SMTN: variants seen among roughly 807,000 people sequenced by gnomAD.
SMTN encodes the protein smoothelin.
Under a neutral mutation model 102.0 loss-of-function variants are expected in SMTN, and 58 were observed. The ratio of observed to expected loss-of-function variants is 0.57; its 90% CI spans 0.46 to 0.71. The LOEUF is 0.71. Among genes scored for constraint, SMTN ranks in the 30% least tolerant of loss-of-function variants. The probability of loss-of-function intolerance (pLI) is 0.00; values close to 1 mark genes in which losing one functional copy is unlikely to be tolerated. For synonymous variants in SMTN, 478 were observed against 497.9 expected (o/e 0.96, Z 0.53); for missense variants, 1,185 against 1,241.7 (o/e 0.95, Z 0.69).
intron 2 of SMTN, chr22:31,085,222 G>A (rs1026226171): frequency 1.9e-5 from 29 of 1,534,312 alleles, no homozygotes; most frequent in Non-Finnish European, 2.4e-5. Context: ...CTTTAGATCC[G>A]GACACTGAAG....
At chr22:31,097,532 C>T (rs1435714749) in intron 16 of SMTN, among the ~76,000 whole-genome samples, 194 bp downstream of exon 16, 1 of 151,850 alleles carries the variant, frequency 6.6e-6, no homozygotes, top group African/African-American at 2.4e-5. Context: ...GGTAAAACCT[C>T]ATCTCTACTA....
chr22:31,097,037 CGAGTTTCGTGAGGCGCTCGGA>C lies in SMTN; in HGVS notation c.2071_2089+2del. ...ACGGCCCGCACCACCACAGTGGAGT[CGAGTTTCGTGAGGCGCTCGGA>C]GAGTAAGGCCACCTGGTGTCGCCCT... is the stretch of plus-strand genomic sequence containing the variant. On this transcript the variant is annotated inframe_deletion and splice_region_variant, in exon 15 of 21. Transcript: ENST00000333137. The C allele has an allele frequency of 6.2e-7, 1 of 1,614,176 alleles. No individual in the cohort carries two copies. The highest frequency in any genetic ancestry group is 8.5e-7 in the Non-Finnish European group (1 of 1,180,038).
intron 1 of SMTN, chr22:31,064,953 T>C (rs2041806682): frequency 6.6e-6 from 1 of 152,220 alleles, no homozygotes; most frequent in African/African-American, 2.4e-5. Context: ...TGCATTTAGT[T>C]GTAATGTCTT....
chr22:31,092,325 C>G (rs770860480), intron 11 of SMTN: 1 of 415,942 alleles, frequency 2.4e-6, no homozygotes, highest in Non-Finnish European at 5.1e-6. Context: ...TTAGCATCTG[C>G]GTCAACCTCC....
At position 31,085,034 on chromosome 22, in the gene SMTN, G is replaced by A. The variant is rs1054188059; in HGVS notation, c.51+1725G>A. 6 of 1,509,718 alleles carry A rather than the reference G, an allele frequency of 4.0e-6. No homozygotes were observed. In the African/African-American group the frequency reaches 5.6e-5, roughly 14 times the overall value. 93.5% of individuals were successfully genotyped at this position (1,509,718 alleles called of 1,614,324 possible). A position where few individuals can be genotyped will look rare whatever the true frequency, so the allele number is the denominator to read the frequency against. ...TTTGGGGACGCGGGCAGTCGCTTCC[G>A]GCCCCGGCTCCCGCACATTCTTGAG... On this transcript the variant is annotated intron_variant, in intron 2 of 20. Transcript: ENST00000333137.
chr22:31,088,108 G>C lies in SMTN; in HGVS notation c.195G>C (p.Trp65Cys), dbSNP rs753438661. The C allele has an allele frequency of 2.2e-5, 35 of 1,598,820 alleles. No homozygotes were observed. Among genetic ancestry groups the C allele is most frequent in the Non-Finnish European group, 3.0e-5 (35 of 1,169,696 alleles). The change falls in exon 3 of 21, where the codon TGG (tryptophan) becomes TGC (cysteine). Residue 65 changes from tryptophan to cysteine, a missense_variant. By Grantham distance (215) the Trp-to-Cys change is radical (BLOSUM62 -2). Transcript: ENST00000333137. ...RAERQDNKEN[W>C]LHSQQREAEQ... ...AGCGGCAGGACAACAAGGAGAACTGGCTGCAGTGAGTAGCGGGGGGTGGAA... is the reference window on the plus strand; with the variant it reads ...AGCGGCAGGACAACAAGGAGAACTGCCTGCAGTGAGTAGCGGGGGGTGGAA...
In SMTN at chr22:31,096,743, C is replaced by G. The variant is rs776398221; in HGVS notation, c.1872C>G (p.Asp624Glu). The G allele has an allele frequency of 2.7e-5, 42 of 1,549,842 alleles. No individual in the cohort carries two copies. In the Middle Eastern group the frequency reaches 6.9e-4, roughly 25 times the overall value. Residue 624 changes from aspartate (D) to glutamate (E), a missense_variant, in exon 14 of 21, where the codon GAC becomes GAG. Coordinates refer to ENST00000333137, the MANE Select transcript of SMTN (RefSeq NM_134269.3). ...GCATCCCCTGCCCAGACCAGCGGGA[C>G]AAGGAGCGGGAACGGCGGCTGCAGG... ...ELRQRKRDQR[D>E]KERERRLQEA...
intron 2 of SMTN, among the ~76,000 whole-genome samples, chr22:31,083,748 C>T (rs1401130912): frequency 1.3e-5 from 2 of 152,202 alleles, no homozygotes; most frequent in Admixed American, 1.3e-4. Flanking sequence ...AGAATAATCA[C>T]AGCAGCTCTG....
intron 20 of SMTN, 145 bp downstream of exon 20, chr22:31,101,194 G>A: frequency 1.3e-6 from 1 of 748,526 alleles, no homozygotes; most frequent in South Asian, 1.9e-5. Context: ...TCTTCTGGCA[G>A]TTCAGGGCCC....
intron 2 of SMTN, among the ~76,000 whole-genome samples, chr22:31,084,251 C>G (rs1370093044): frequency 6.6e-6 from 1 of 152,242 alleles, no homozygotes; most frequent in African/African-American, 2.4e-5. Flanking sequence ...AGCTCCATCT[C>G]CTCAGTCCCT....
At chr22:31,069,223 G>A (rs1364374624) in intron 1 of SMTN, among the ~76,000 whole-genome samples, 3 of 152,054 alleles carry the variant, frequency 2.0e-5, no homozygotes, top group African/African-American at 7.2e-5. Flanking sequence ...ATTGGTCCTT[G>A]GTGGTAACTA....
At chr22:31,098,878 G>C (rs1387901474) in intron 17 of SMTN, 38 bp downstream of exon 17, 1 of 1,538,538 alleles carries the variant, frequency 6.5e-7, no homozygotes, top group Admixed American at 1.8e-5. Flanking sequence ...GGGGGGCGGG[G>C]CGTGATAGGC....
In SMTN at chr22:31,095,371, A is replaced by G; in HGVS notation, c.1701A>G (p.Arg567=). The G allele has an allele frequency of 2.5e-6, 4 of 1,614,258 alleles. No homozygotes were observed. Among genetic ancestry groups the G allele is most frequent in the Non-Finnish European group, 3.4e-6 (4 of 1,180,044 alleles). Residue 567 remains arginine (R), a synonymous_variant, in exon 12 of 21, where the codon CGA becomes CGG. Coordinates refer to ENST00000333137, the MANE Select transcript of SMTN (RefSeq NM_134269.3). This position sits in a 1 kb window ranked among gnomAD's most constrained non-coding sequence, Gnocchi z 4.1. ...CGGCCAATGGGGCTGAGCAGACCCG[A>G]GTGAACAAAGCACCAGAAGGGCGGA... ...VEAANGAEQT[R]VNKAPEGRSP...
chr22:31,089,004 G>A, intron 6 of SMTN, 35 bp downstream of exon 6: 1 of 1,544,258 alleles, frequency 6.5e-7, no homozygotes, highest in South Asian at 1.1e-5. Context: ...AGTGTCCTGT[G>A]CCCATGGATA....
At chr22:31,065,228 G>T (rs1406069746) in intron 1 of SMTN, 3 of 152,214 alleles carry the variant, frequency 2.0e-5, no homozygotes, top group Non-Finnish European at 2.9e-5. Context: ...TGTGGTTAAA[G>T]AGGTTATCTG....
intron 6 of SMTN, 29 bp from the exon 7 acceptor site, chr22:31,089,670 C>G: frequency 3.2e-6 from 5 of 1,575,318 alleles, no homozygotes; most frequent in Non-Finnish European, 4.3e-6. Context: ...CCTAGGGAGC[C>G]TTGGTTGCAT....
intron 2 of SMTN, chr22:31,085,182 C>A: frequency 1.3e-6 from 2 of 1,535,536 alleles, no homozygotes; most frequent in Non-Finnish European, 1.7e-6. Flanking sequence ...CGCCACTCAG[C>A]TGGGTGTCCT....
chr22:31,094,948 A>G (rs2043454113), intron 11 of SMTN, among the ~76,000 whole-genome samples: 1 of 152,092 alleles, frequency 6.6e-6, no homozygotes, highest in Non-Finnish European at 1.5e-5. Context: ...CGGCCTCCCA[A>G]ACTGTTGACA....
intron 17 of SMTN, 27 bp from the exon 18 acceptor site, chr22:31,099,035 G>T: frequency 6.2e-7 from 1 of 1,601,190 alleles, no homozygotes; most frequent in South Asian, 1.1e-5. Context: ...ATAGTCGTGT[G>T]ACCTGGTCCT....
Sources: gnomAD v4.1 joint callset for allele counts (sites outside exome capture counted in the v4.1 genomes callset) on GRCh38, gnomAD v4.1.1 for gene constraint, Gnocchi (gnomAD v3.1) non-coding constraint, MANE v1.5 for transcripts, NCBI Gene and HGNC (gene_info 2026-07-23, HGNC 2026-07-21) for gene names.